ATP1B1: variants seen among roughly 807,000 people sequenced by gnomAD.
ATP1B1 encodes the protein ATPase Na+/K+ transporting subunit beta 1, also known as sodium/potassium-transporting ATPase subunit beta-1.
Under a neutral mutation model 39.6 loss-of-function variants are expected in ATP1B1, and 3 were observed. The observed-to-expected ratio is 0.08, with a 90% confidence interval of 0.03 to 0.20. The LOEUF (loss-of-function observed/expected upper bound fraction) is 0.20, where lower values mean the gene tolerates loss of function less well. Among genes scored for constraint, ATP1B1 ranks in the 10% least tolerant of loss-of-function variants. The pLI, the probability that ATP1B1 is intolerant of heterozygous loss-of-function variation, is 1.00. For synonymous variants in ATP1B1, 139 were observed against 135.0 expected, an observed-to-expected ratio of 1.03 and a Z score of -0.20; for missense variants, 216 against 371.1, an observed-to-expected ratio of 0.58 and a Z score of 3.43.
At chr1:169,116,108 T>TAC (rs971955300) in intron 2 of ATP1B1, among the ~76,000 whole-genome samples, 2 of 152,232 alleles carry the variant, frequency 1.3e-5, no homozygotes, top group Non-Finnish European at 2.9e-5. Context: ...CTCATGGATA[T>TAC]ACACACACAC....
chr1:169,124,974 T>G lies in ATP1B1; in HGVS notation c.317T>G (p.Val106Gly). 1 of 1,613,992 alleles carries G rather than the reference T, an allele frequency of 6.2e-7. No homozygotes were observed. Among genetic ancestry groups the G allele is most frequent in the Non-Finnish European group, 8.5e-7 (1 of 1,179,988 alleles). ...KSYEAYVLNI[V>G]RFLEKYKDSA... ...TATGAGGCATATGTACTGAACATAG[T>G]TAGGTTCCTGGAAAAGTACAAAGAT... The change falls in exon 3 of 6, where the codon GTT becomes GGT. Residue 106 changes from valine to glycine, a missense_variant. Transcript: ENST00000367815.
At chr1:169,126,045 G>C (rs1388920613) in intron 3 of ATP1B1, among the ~76,000 whole-genome samples, 1 of 152,172 alleles carries the variant, frequency 6.6e-6, no homozygotes, top group Non-Finnish European at 1.5e-5. Flanking sequence ...CATCCCTTCT[G>C]ATTCAATTCA....
At chr1:169,125,425 AC>A (rs1571226534) in intron 3 of ATP1B1, among the ~76,000 whole-genome samples, 1 of 152,178 alleles carries the variant, frequency 6.6e-6, no homozygotes, top group Admixed American at 6.5e-5. Flanking sequence ...CATCAGAAAG[AC>A]CTTTTGGTGT....
intron 2 of ATP1B1, among the ~76,000 whole-genome samples, chr1:169,123,783 T>G (rs575017385): frequency 1.3e-5 from 2 of 152,164 alleles, no homozygotes; most frequent in South Asian, 4.2e-4. Flanking sequence ...TGTGTCACCA[T>G]GCCTGGCTAA....
chr1:169,115,963 C>T (rs559395298), intron 2 of ATP1B1, among the ~76,000 whole-genome samples: 1 of 152,250 alleles, frequency 6.6e-6, no homozygotes, highest in Non-Finnish European at 1.5e-5. Flanking sequence ...TCTGCAGCAT[C>T]GCTTCTCATC....
chr1:169,127,897 G>T (rs1157575191), intron 4 of ATP1B1, among the ~76,000 whole-genome samples: 1 of 152,070 alleles, frequency 6.6e-6, no homozygotes, highest in Non-Finnish European at 1.5e-5. Flanking sequence ...TTGATAATCT[G>T]AAAAAATATT....
chr1:169,129,789 G>T (rs1477913105), intron 4 of ATP1B1, among the ~76,000 whole-genome samples: 1 of 152,190 alleles, frequency 6.6e-6, no homozygotes, highest in Non-Finnish European at 1.5e-5. Flanking sequence ...CTTAATTGTA[G>T]TCGTTATAAA....
At chr1:169,120,871 C>T (rs1238909018) in intron 2 of ATP1B1, among the ~76,000 whole-genome samples, 1 of 152,040 alleles carries the variant, frequency 6.6e-6, no homozygotes, top group South Asian at 2.1e-4. Context: ...AGTAGTACCA[C>T]TTCATGTAAC....
chr1:169,110,697 T>C lies in ATP1B1; in HGVS notation c.98-673T>C, dbSNP rs1424196285. 2.3e-6 allele frequency: 3 copies of C among 1,283,492 alleles called. No homozygotes were observed. In the East Asian group the frequency reaches 1.7e-4, roughly 72 times the overall value. 79.5% of individuals were successfully genotyped at this position (1,283,492 alleles called of 1,614,324 possible). A position where few individuals can be genotyped will look rare whatever the true frequency, so the allele number is the denominator to read the frequency against. ...CTTGTTCCAGTTCCAGAAGATGGAA[T>C]TAAAATGTGCTGGTCATTTTCACTA... On this transcript the variant is annotated intron_variant, in intron 1 of 5. Coordinates refer to ENST00000367815, the MANE Select transcript of ATP1B1 (RefSeq NM_001677.4).
In ATP1B1 at chr1:169,132,338, G is replaced by C; in HGVS notation, c.*783G>C. The C allele has an allele frequency of 2.1e-6, 1 of 477,328 alleles. No homozygotes were observed. The allele number at this position is 477,328 out of a possible 1,614,324, so 29.6% of individuals were successfully genotyped here. On this transcript the variant is annotated 3_prime_UTR_variant, in exon 6 of 6. Coordinates refer to ENST00000367815, the MANE Select transcript of ATP1B1 (RefSeq NM_001677.4). ...CTGCCCATCACTTTGGCTAGTGACA[G>C]GGCTAATTAATTTGCTTTATACATT...
At chr1:169,110,587 G>GTTTT in intron 1 of ATP1B1, 1 of 231,230 alleles carries the variant, frequency 4.3e-6, no homozygotes, top group South Asian at 8.1e-5. Context: ...TTTTTTTTTT[G>GTTTT]CTTTTGCAGC....
rs73033763 is a variant in ATP1B1, at chr1:169,131,100, C to T, written c.649-192C>T. Among the ~76,000 whole-genome samples, 4,437 of 152,202 alleles carry T rather than the reference C, an allele frequency of 0.029. 218 individuals carry two copies. Among genetic ancestry groups the T allele is most frequent in the African/African-American group, 0.1 (4,166 of 41,518 alleles). On this transcript the variant is annotated intron_variant, in intron 5 of 5. Transcript: ENST00000367815. The surrounding 1 kb of genome is among the most constrained non-coding windows in gnomAD (Gnocchi z 4.4). ...CTTATTTGGCATTTGACTCAGCTTC[C>T]CCATCCATTTGCACATTGAGAATAG...
intron 4 of ATP1B1, among the ~76,000 whole-genome samples, chr1:169,128,811 GTGAT>G (rs775866137): frequency 8.5e-5 from 13 of 152,188 alleles, no homozygotes; most frequent in Non-Finnish European, 1.8e-4. Flanking sequence ...CTAGTCTATT[GTGAT>G]TGATTTCTTC....
intron 2 of ATP1B1, among the ~76,000 whole-genome samples, chr1:169,123,474 CAG>C (rs1349436810): frequency 2.0e-5 from 3 of 151,888 alleles, no homozygotes; most frequent in African/African-American, 7.3e-5. Context: ...GGGCCCCACA[CAG>C]AGAGGGGAGA....
At chr1:169,109,821 G>C (rs1041845457) in intron 1 of ATP1B1, among the ~76,000 whole-genome samples, 2 of 152,046 alleles carry the variant, frequency 1.3e-5, no homozygotes, top group African/African-American at 4.8e-5. Context: ...TACGATAGCT[G>C]CCTTGCTGAC....
intron 2 of ATP1B1, among the ~76,000 whole-genome samples, chr1:169,118,725 TA>T (rs1657910267): frequency 6.6e-6 from 1 of 152,334 alleles, no homozygotes; most frequent in African/African-American, 2.4e-5. Flanking sequence ...GTATTTTTTT[TA>T]AAATTGGAAA....
At chr1:169,107,422 AGAGG>A (rs565792061) in intron 1 of ATP1B1, among the ~76,000 whole-genome samples, 13 of 152,306 alleles carry the variant, frequency 8.5e-5, no homozygotes, top group Non-Finnish European at 1.5e-4. Context: ...AGAAGGGTGG[AGAGG>A]AATCCATCCA....
At chr1:169,109,371 C>CT (rs944414685) in intron 1 of ATP1B1, among the ~76,000 whole-genome samples, 18 of 151,900 alleles carry the variant, frequency 1.2e-4, no homozygotes, top group East Asian at 3.9e-4. Flanking sequence ...CTTATCTAGC[C>CT]TTTTTTTTGG....
At chr1:169,126,623 A>C (rs1307012253) in intron 3 of ATP1B1, among the ~76,000 whole-genome samples, 1 of 152,170 alleles carries the variant, frequency 6.6e-6, no homozygotes, top group Admixed American at 6.5e-5. Context: ...AGGTGGGAGG[A>C]TCTTTAGAGC....
Sources: gnomAD v4.1 joint callset for allele counts (sites outside exome capture counted in the v4.1 genomes callset) on GRCh38, gnomAD v4.1.1 for gene constraint, Gnocchi (gnomAD v3.1) non-coding constraint, MANE v1.5 for transcripts, NCBI Gene and HGNC (gene_info 2026-07-23, HGNC 2026-07-21) for gene names.